Variants in RFX7 observed in about 807,000 individuals in gnomAD.
RFX7 encodes regulatory factor X7.
RFX7 carries 26 observed loss-of-function variants against 111.8 expected under a neutral mutation model. That is an observed-to-expected ratio of 0.23 (90% CI 0.17 to 0.32). RFX7 has a LOEUF of 0.32. Among genes scored for constraint, RFX7 ranks in the 10% least tolerant of loss-of-function variants. The pLI, the probability that RFX7 is intolerant of heterozygous loss-of-function variation, is 1.00. For missense variants in RFX7, 1,573 were observed against 1,772.9 expected (o/e 0.89, Z 2.02); for synonymous variants, 624 against 624.4 (o/e 1.00, Z 0.01).
At chr15:56,244,583 C>G (rs529277549), upstream of RFX7, among the ~76,000 whole-genome samples, 62 of 149,080 alleles carry the variant, frequency 4.2e-4, 1 homozygote, top group African/African-American at 1.4e-3. Flanking sequence ...CCTCCCCACC[C>G]CACCCCACCC....
At chr15:56,130,305 A>G (rs910158523) in intron 5 of RFX7, among the ~76,000 whole-genome samples, 2 of 152,190 alleles carry the variant, frequency 1.3e-5, no homozygotes, top group African/African-American at 2.4e-5. Flanking sequence ...GACTGAAAGT[A>G]AATCTCAATA....
rs768299116 is a variant in RFX7, at chr15:56,095,432, G to C, written c.2296C>G (p.Leu766Val). The C allele has an allele frequency of 1.9e-6, 3 of 1,612,848 alleles. No individual in the cohort carries two copies. The highest frequency in any genetic ancestry group is 2.2e-5 in the South Asian group (2 of 91,080). Residue 766 changes from leucine to valine, a missense_variant, in exon 10 of 10, where the codon CTC becomes GTC. Physicochemically the swap from Leu to Val is conservative, Grantham distance 32 (BLOSUM62 1). This residue lies in a region of RFX7 where 625 missense variants were observed against 632.2 expected (regional missense o/e 0.99). Transcript: ENST00000559447. Reference sequence around the variant, plus strand: ...ACTGACTTTGAATCACTGTCCAAGAGAAAGACACTTCCTTCAAGTTTTACT... The same window carrying C: ...ACTGACTTTGAATCACTGTCCAAGACAAAGACACTTCCTTCAAGTTTTACT... ...IKVKLEGSVFLLDSDSKSVGS... is the reference protein window; with the variant it reads ...IKVKLEGSVFVLDSDSKSVGS...
At chr15:56,224,188 C>T (rs2141219636) in intron 2 of RFX7, among the ~76,000 whole-genome samples, 1 of 151,842 alleles carries the variant, frequency 6.6e-6, no homozygotes, top group East Asian at 1.9e-4. Flanking sequence ...ATGAACGGTG[C>T]CAGTCCTGGT....
chr15:56,197,762 T>C (rs1163893369), intron 2 of RFX7, among the ~76,000 whole-genome samples: 1 of 152,094 alleles, frequency 6.6e-6, no homozygotes, highest in East Asian at 1.9e-4. Flanking sequence ...AACTATATAT[T>C]TGAACCACAG....
intron 2 of RFX7, among the ~76,000 whole-genome samples, chr15:56,223,207 C>A (rs375723184): frequency 6.6e-6 from 1 of 152,126 alleles, no homozygotes; most frequent in Non-Finnish European, 1.5e-5. Context: ...GCCCTGCACA[C>A]GTGGAGTTCG....
chr15:56,212,458 C>T (rs2043322692), intron 2 of RFX7, among the ~76,000 whole-genome samples: 1 of 152,060 alleles, frequency 6.6e-6, no homozygotes, highest in Admixed American at 6.6e-5. Context: ...TGACCAAACC[C>T]ATAGAATGTG....
chr15:56,172,508 T>C (rs1350422596), intron 3 of RFX7, among the ~76,000 whole-genome samples: 1 of 152,074 alleles, frequency 6.6e-6, no homozygotes, highest in Admixed American at 6.6e-5. Flanking sequence ...GGATGAGACC[T>C]AGAGGGTAGG....
chr15:56,154,258 C>T lies in RFX7; in HGVS notation c.196-9775G>A, dbSNP rs530228336. Among the ~76,000 whole-genome samples the T allele has an allele frequency of 8.1e-4, 123 of 152,310 alleles. No homozygotes were observed. The Middle Eastern group carries it at 0.01, about 13-fold the overall frequency. ...TCCCCATCAAGCTACCACTGACTTTCTTCACAGAATTGGAAAAAACTACTT... is the reference window on the plus strand; with the variant it reads ...TCCCCATCAAGCTACCACTGACTTTTTTCACAGAATTGGAAAAAACTACTT... On this transcript the variant is annotated intron_variant, in intron 3 of 9. Coordinates refer to ENST00000559447, the MANE Select transcript of RFX7 (RefSeq NM_022841.7).
intron 2 of RFX7, among the ~76,000 whole-genome samples, chr15:56,217,498 T>C (rs981148719): frequency 6.6e-6 from 1 of 152,080 alleles, no homozygotes; most frequent in African/African-American, 2.4e-5. Context: ...TACTCTGAAT[T>C]TGTGTGATTG....
intron 5 of RFX7, among the ~76,000 whole-genome samples, chr15:56,118,427 A>G (rs1036468509): frequency 1.3e-5 from 2 of 152,204 alleles, no homozygotes; most frequent in South Asian, 4.1e-4. Flanking sequence ...TCCCACAAAT[A>G]AGTGAGAACA....
chr15:56,162,567 A>G (rs2042733246), intron 3 of RFX7, among the ~76,000 whole-genome samples: 2 of 152,068 alleles, frequency 1.3e-5, no homozygotes, highest in Non-Finnish European at 2.9e-5. Flanking sequence ...TATAATCATG[A>G]AACACAAAAG....
chr15:56,229,351 C>T lies in RFX7; in HGVS notation c.161+13774G>A, dbSNP rs534946279. On this transcript the variant is annotated intron_variant, in intron 2 of 9. Transcript: ENST00000559447. ...CAGGATCTCGGCTCACTGCGAGCTCCGCCTCCCAGGTTCACGCCATTCTCC... is the reference window on the plus strand; with the variant it reads ...CAGGATCTCGGCTCACTGCGAGCTCTGCCTCCCAGGTTCACGCCATTCTCC... Among the ~76,000 whole-genome samples, 41 of 152,134 alleles carry T rather than the reference C, an allele frequency of 2.7e-4. 1 individual carries two copies. Among genetic ancestry groups the T allele is most frequent in the Non-Finnish European group, 2.1e-4 (14 of 67,994 alleles).
intron 2 of RFX7, among the ~76,000 whole-genome samples, chr15:56,179,601 C>A (rs1289561717): frequency 1.6e-4 from 25 of 152,076 alleles, no homozygotes; most frequent in Non-Finnish European, 1.5e-5. Flanking sequence ...ACTATACTTA[C>A]AAGTATGGCC....
intron 9 of RFX7, 103 bp downstream of exon 9, chr15:56,097,978 T>C: frequency 1.0e-6 from 1 of 965,942 alleles, no homozygotes; most frequent in Non-Finnish European, 1.6e-6. Context: ...CAAAATCAGT[T>C]TGTGGCTACT....
At chr15:56,128,801 A>C (rs2042176862) in intron 5 of RFX7, among the ~76,000 whole-genome samples, 1 of 152,154 alleles carries the variant, frequency 6.6e-6, no homozygotes, top group African/African-American at 2.4e-5. Flanking sequence ...ATAGATAAAA[A>C]AATCCTAAGA....
intron 2 of RFX7, among the ~76,000 whole-genome samples, chr15:56,189,353 C>T (rs990061292): frequency 1.3e-5 from 2 of 151,818 alleles, no homozygotes; most frequent in Admixed American, 1.3e-4. Context: ...GCAATTCACC[C>T]AGGACAACAG....
chr15:56,218,284 C>A (rs2043386988), intron 2 of RFX7, among the ~76,000 whole-genome samples: 1 of 150,878 alleles, frequency 6.6e-6, no homozygotes, highest in South Asian at 2.1e-4. Context: ...CCTCCCGCCA[C>A]CATGCCCAAG....
Position 56,096,141 on chromosome 15 carries a change from C to T in RFX7, c.1587G>A (p.Ala529=), listed in dbSNP as rs368415919. 2.2e-5 allele frequency: 35 copies of T among 1,613,706 alleles called. No homozygotes were observed. Among genetic ancestry groups the T allele is most frequent in the Admixed American group, 1.2e-4 (7 of 59,990 alleles). ...TGACTTCCACAGCAGATGTTCCCCC[C>T]GCACTGCTGCTCCTGGACCCAGGAG... The part of the protein sequence containing the change: ...LQSPGSRSSS[A]GGTSAVEVKV... Residue 529 remains alanine (A), a synonymous_variant, in exon 10 of 10, where the codon GCG becomes GCA. Transcript: ENST00000559447.
At chr15:56,130,333 GC>G (rs1485088381) in intron 5 of RFX7, among the ~76,000 whole-genome samples, 3 of 151,946 alleles carry the variant, frequency 2.0e-5, no homozygotes, top group South Asian at 4.2e-4. Context: ...CAGAAACTAA[GC>G]CCCATTCTCT....
Sources: allele counts gnomAD v4.1 joint callset (sites outside exome capture counted in the v4.1 genomes callset), GRCh38; gene constraint gnomAD v4.1.1; regional missense constraint gnomAD v4.1.1; transcripts MANE v1.5; gene names NCBI Gene and HGNC (gene_info 2026-07-23, HGNC 2026-07-21).